The following FUBP1 variants were observed in gnomAD, a reference collection of about 807,000 sequenced individuals.
FUBP1 encodes the protein far upstream element-binding protein 1.
A neutral mutation model predicts 94.9 loss-of-function variants in FUBP1; 16 were observed. That is an observed-to-expected ratio of 0.17 (90% CI 0.11 to 0.26). The LOEUF (loss-of-function observed/expected upper bound fraction) is 0.26, where lower values mean the gene tolerates loss of function less well. Ranked by LOEUF, FUBP1 falls within the 10% of genes least tolerant of loss-of-function variation. The probability of loss-of-function intolerance (pLI) is 1.00; values close to 1 mark genes in which losing one functional copy is unlikely to be tolerated. For synonymous variants in FUBP1, 279 were observed against 254.9 expected, an observed-to-expected ratio of 1.09 and a Z score of -0.90; for missense variants, 583 against 808.6, an observed-to-expected ratio of 0.72 and a Z score of 3.38.
At chr1:77,966,446 G>T (rs900932230) in intron 7 of FUBP1, among the ~76,000 whole-genome samples, 1 of 152,156 alleles carries the variant, frequency 6.6e-6, no homozygotes, top group Non-Finnish European at 1.5e-5. Flanking sequence ...CAGGCTACAC[G>T]TGGCTTTACA....
At chr1:77,962,269 C>T (rs372712934) in intron 14 of FUBP1, among the ~76,000 whole-genome samples, 1 of 152,154 alleles carries the variant, frequency 6.6e-6, no homozygotes, top group South Asian at 2.1e-4. Flanking sequence ...TCAGGTCTGT[C>T]TCTGTATATT....
At position 77,964,130 on chromosome 1, in the gene FUBP1, T is replaced by A; in HGVS notation, c.973A>T (p.Ile325Leu). The A allele has an allele frequency of 6.2e-7, 1 of 1,609,634 alleles. No individual in the cohort carries two copies. ...TGACATCGGTCTGGAGGTCCTGTTA[T>A]TTGTGCTATCCTTTCGGGTGTTGTC... ...DGTTPERIAQ[I>L]TGPPDRCQHA... Residue 325 changes from isoleucine (I) to leucine (L), a missense_variant, in exon 12 of 20, where the codon ATA (isoleucine) becomes TTA (leucine). Ile to Leu is a conservative substitution (Grantham distance 5). Coordinates refer to ENST00000370768, the MANE Select transcript of FUBP1 (RefSeq NM_003902.5).
intron 1 of FUBP1, among the ~76,000 whole-genome samples, chr1:77,974,969 GTATCTGCATA>G (rs1658327356): frequency 6.6e-6 from 1 of 152,186 alleles, no homozygotes; most frequent in African/African-American, 2.4e-5. Context: ...AAATGGTACA[GTATCTGCATA>G]TAACCTACGC....
chr1:77,969,965 G>A lies in FUBP1; in HGVS notation c.171C>T (p.Asp57=). 6.3e-7 allele frequency: 1 copy of A among 1,588,448 alleles called. No homozygotes were observed. Among genetic ancestry groups the A allele is most frequent in the Non-Finnish European group, 8.6e-7 (1 of 1,162,118 alleles). The change falls in exon 2 of 20, where the codon GAC becomes GAT. Residue 57 remains aspartate, a synonymous_variant. Transcript: ENST00000370768. The part of the protein sequence containing the change: ...GDAGTSLNSN[D]YGYGGQKRPL... ...GTCTTTTTTGTCCCCCATAACCATA[G>A]TCATTTGAATTCAGTGATGTCCCTG...
rs1656195397 is a variant in FUBP1 at position 77,964,931 on chromosome 1, C to G, written c.674G>C (p.Gly225Ala). 6.2e-7 allele frequency: 1 copy of G among 1,612,756 alleles called. No homozygotes were observed. Among genetic ancestry groups the G allele is most frequent in the Non-Finnish European group, 8.5e-7 (1 of 1,178,926 alleles). Residue 225 changes from glycine (G) to alanine (A), a missense_variant, in exon 9 of 20, where the codon GGG becomes GCG. Coordinates refer to ENST00000370768, the MANE Select transcript of FUBP1 (RefSeq NM_003902.5). ...TTTGTCAGCACCAGTGTTCTGCGGC[C>G]CGTCTTGAATCATAACCATTTTAAC... Reference protein sequence around the residue: ...AGVKMVMIQDGPQNTGADKPL... With the variant: ...AGVKMVMIQDAPQNTGADKPL...
chr1:77,967,908 T>G (rs988195722), intron 3 of FUBP1, among the ~76,000 whole-genome samples: 1 of 152,124 alleles, frequency 6.6e-6, no homozygotes, highest in Admixed American at 6.5e-5. Flanking sequence ...TTTCAAGTTG[T>G]ACAAGTATAG....
rs1372086959 is a variant in FUBP1, at chr1:77,964,724, C to G, written c.759G>C (p.Glu253Asp). The G allele has an allele frequency of 3.7e-6, 6 of 1,612,454 alleles. No individual in the cohort carries two copies. The South Asian group carries it at 6.6e-5, about 18-fold the overall frequency. ...KVQQAKEMVLELIRDQGGFRE... is the reference protein window; with the variant it reads ...KVQQAKEMVLDLIRDQGGFRE... ...TGAAACCGCCTTGATCACGAATTAA[C>G]TCTAACACCATTTCCTTGGCTTGCT... Residue 253 changes from glutamate to aspartate, a missense_variant, in exon 10 of 20, where the codon GAG (glutamate) becomes GAC (aspartate). By Grantham distance (45) the Glu-to-Asp change is conservative (BLOSUM62 2). Transcript: ENST00000370768.
Position 77,960,394 on chromosome 1 carries a change from T to C in FUBP1, c.1446A>G (p.Gly482=), listed in dbSNP as rs1655227314. 6.3e-7 allele frequency: 1 copy of C among 1,597,466 alleles called. No homozygotes were observed. The highest frequency in any genetic ancestry group is 1.8e-5 in the Admixed American group (1 of 54,404). The change falls in exon 15 of 20, where the codon GGA becomes GGG. Residue 482 remains glycine (G), a synonymous_variant. Coordinates refer to ENST00000370768, the MANE Select transcript of FUBP1 (RefSeq NM_003902.5). ...PGPPGPGTPM[G]PYNPAPYNPG... is the part of the protein sequence containing the mutation. ...GATTATAAGGTGCAGGGTTGTATGG[T>C]CCCATTGGAGTTCCAGGCCCTGGAG...
intron 1 of FUBP1, among the ~76,000 whole-genome samples, chr1:77,972,004 CAAAAA>C (rs60606700): frequency 2.4e-5 from 2 of 84,142 alleles, no homozygotes; most frequent in Admixed American, 1.3e-4. Flanking sequence ...GACTCTGTCT[CAAAAA>C]AAAAAAAAAA....
chr1:77,962,969 G>C (rs1385682170), intron 13 of FUBP1, 39 bp from the exon 14 acceptor site: 3 of 1,449,536 alleles, frequency 2.1e-6, no homozygotes, highest in Non-Finnish European at 2.9e-6. Flanking sequence ...AAGGTTTCAA[G>C]GGTGTACTAG....
rs1656239209 is a variant in FUBP1 at position 77,965,120 on chromosome 1, G to A, written c.585C>T (p.Ser195=). The stretch of plus-strand genomic sequence containing the variant: ...CTTTTCCAATGACTAATCCTGCCTT[G>A]CTAGCTGGAATCATGATTTCTTGAA... ...NAVQEIMIPA[S]KAGLVIGKGG... Residue 195 remains serine (S), a synonymous_variant, in exon 8 of 20, where the codon AGC becomes AGT. Transcript: ENST00000370768. The A allele has an allele frequency of 1.9e-6, 3 of 1,612,294 alleles. No individual in the cohort carries two copies. The Admixed American group carries it at 5.0e-5, about 27-fold the overall frequency.
At chr1:77,951,309 T>G (rs772704509) in intron 18 of FUBP1, among the ~76,000 whole-genome samples, 5 of 152,210 alleles carry the variant, frequency 3.3e-5, no homozygotes, top group Non-Finnish European at 5.9e-5. Flanking sequence ...TATATCCCTG[T>G]GGAAAGCTAA....
rs1253567427 is a variant in FUBP1, at chr1:77,964,983, G to T, written c.637-15C>A. Reference sequence around the variant, plus strand: ...CCAGCCCGTTCCTGTTACAATCATAGAAATAATATATATTAACAAAAGGAA... The same window carrying T: ...CCAGCCCGTTCCTGTTACAATCATATAAATAATATATATTAACAAAAGGAA... On this transcript the variant is annotated splice_polypyrimidine_tract_variant and intron_variant, in intron 8 of 19. Coordinates refer to ENST00000370768, the MANE Select transcript of FUBP1 (RefSeq NM_003902.5). 5 of 1,600,406 alleles carry T rather than the reference G, an allele frequency of 3.1e-6. No individual in the cohort carries two copies. In the African/African-American group the frequency reaches 4.0e-5, roughly 13 times the overall value.
chr1:77,969,766 T>C (rs1469798161), intron 2 of FUBP1, among the ~76,000 whole-genome samples, 159 bp downstream of exon 2: 1 of 152,064 alleles, frequency 6.6e-6, no homozygotes, highest in Non-Finnish European at 1.5e-5. Context: ...ACTTACCTTG[T>C]CTAGTTTTCT....
chr1:77,972,747 G>A (rs1657807690), intron 1 of FUBP1, among the ~76,000 whole-genome samples: 1 of 151,364 alleles, frequency 6.6e-6, no homozygotes. Context: ...GGGTGACAGA[G>A]CGAGACTCTG....
chr1:77,953,119 A>ACTC (rs1205729756), intron 18 of FUBP1, among the ~76,000 whole-genome samples: 2 of 151,596 alleles, frequency 1.3e-5, no homozygotes, highest in Admixed American at 6.6e-5. Context: ...TAAGACCAAG[A>ACTC]CTCCGTCTTA....
Position 77,947,857 on chromosome 1 carries a change from G to C in FUBP1, c.*909C>G. The C allele has an allele frequency of 9.0e-7, 1 of 1,110,550 alleles. No individual in the cohort carries two copies. The highest frequency in any genetic ancestry group is 1.1e-6 in the Non-Finnish European group (1 of 894,328). 68.8% of individuals were successfully genotyped at this position (1,110,550 alleles called of 1,614,324 possible). A position where few individuals can be genotyped will look rare whatever the true frequency, so the allele number is the denominator to read the frequency against. ...CAGATGCAATGTAGCTATACTTTTT[G>C]CACACTATTCACTTTTCTATCCTAA... On this transcript the variant is annotated 3_prime_UTR_variant, in exon 20 of 20. Coordinates refer to ENST00000370768, the MANE Select transcript of FUBP1 (RefSeq NM_003902.5).
In FUBP1 at chr1:77,947,513, C is replaced by A; in HGVS notation, c.*1253G>T. The A allele has an allele frequency of 7.4e-7, 1 of 1,347,172 alleles. No homozygotes were observed. The highest frequency in any genetic ancestry group is 2.2e-5 in the Admixed American group (1 of 45,514). 83.5% of individuals were successfully genotyped at this position (1,347,172 alleles called of 1,614,324 possible). ...GATACACAGCACAGTCCTCCTCACCCCTACAGAGCTAGTTCTATACTGGCT... is the reference window on the plus strand; with the variant it reads ...GATACACAGCACAGTCCTCCTCACCACTACAGAGCTAGTTCTATACTGGCT... On this transcript the variant is annotated 3_prime_UTR_variant, in exon 20 of 20. Transcript: ENST00000370768.
At chr1:77,976,107 C>T (rs1423943235) in intron 1 of FUBP1, among the ~76,000 whole-genome samples, 1 of 152,172 alleles carries the variant, frequency 6.6e-6, no homozygotes, top group Non-Finnish European at 1.5e-5. Context: ...ACAAAAACAG[C>T]ATAGTATTCT....
Sources: allele counts gnomAD v4.1 joint callset (sites outside exome capture counted in the v4.1 genomes callset), GRCh38; gene constraint gnomAD v4.1.1; transcripts MANE v1.5; gene names NCBI Gene and HGNC (gene_info 2026-07-23, HGNC 2026-07-21).